TET1: variants seen among roughly 807,000 people sequenced by gnomAD.
The protein encoded by TET1 is tet methylcytosine dioxygenase 1.
TET1 carries 13 observed loss-of-function variants against 148.7 expected under a neutral mutation model. That is an observed-to-expected ratio of 0.09 (90% CI 0.06 to 0.14). TET1 has a LOEUF of 0.14. Ranked by LOEUF, TET1 falls within the 10% of genes least tolerant of loss-of-function variation. The pLI, the probability that TET1 is intolerant of heterozygous loss-of-function variation, is 1.00. For missense variants in TET1, 2,182 were observed against 2,553.8 expected (o/e 0.85, Z 3.14); for synonymous variants, 907 against 937.2 (o/e 0.97, Z 0.59).
chr10:68,608,882 G>A (rs2054165619), intron 3 of TET1, among the ~76,000 whole-genome samples: 1 of 152,008 alleles, frequency 6.6e-6, no homozygotes, highest in South Asian at 2.1e-4. Context: ...TACAAAAGAG[G>A]GGTCTCAAAT....
At chr10:68,683,158 A>G (rs1564509759) in intron 10 of TET1, among the ~76,000 whole-genome samples, 185 bp downstream of exon 10, 1 of 152,364 alleles carries the variant, frequency 6.6e-6, no homozygotes, top group East Asian at 1.9e-4. Context: ...TAAATGCATT[A>G]TCTATGCACT....
chr10:68,616,949 C>T (rs530898694), intron 3 of TET1, among the ~76,000 whole-genome samples: 67 of 147,924 alleles, frequency 4.5e-4, no homozygotes, highest in African/African-American at 1.2e-3. Flanking sequence ...CCTCGTGATC[C>T]ACCCGCCTCG....
intron 2 of TET1, among the ~76,000 whole-genome samples, chr10:68,577,607 A>G (rs989818663): frequency 3.9e-5 from 6 of 151,908 alleles, no homozygotes; most frequent in African/African-American, 1.4e-4. Flanking sequence ...CAGGAGTTTG[A>G]GACCAGCCTG....
chr10:68,677,197 CAG>C (rs1298609263), intron 8 of TET1, among the ~76,000 whole-genome samples: 1 of 152,186 alleles, frequency 6.6e-6, no homozygotes, highest in African/African-American at 2.4e-5. Flanking sequence ...AAGGCTCCAC[CAG>C]AGAGTCCTTC....
At chr10:68,623,206 G>GT (rs1469407627) in intron 3 of TET1, among the ~76,000 whole-genome samples, 7 of 152,110 alleles carry the variant, frequency 4.6e-5, no homozygotes, top group African/African-American at 1.7e-4. Context: ...GTCATTTTCT[G>GT]TTTCTACCAT....
chr10:68,650,638 A>G (rs1393496472), intron 4 of TET1, among the ~76,000 whole-genome samples: 1 of 152,150 alleles, frequency 6.6e-6, no homozygotes, highest in Non-Finnish European at 1.5e-5. Flanking sequence ...TCTCAAAAAA[A>G]TAATAATAAA....
intron 2 of TET1, among the ~76,000 whole-genome samples, chr10:68,599,652 C>G (rs944490173): frequency 6.6e-6 from 1 of 152,158 alleles, no homozygotes; most frequent in Non-Finnish European, 1.5e-5. Flanking sequence ...GTGGGTGGTT[C>G]CGTCTGACCG....
chr10:68,641,339 G>T (rs2054750625), intron 3 of TET1, among the ~76,000 whole-genome samples: 1 of 151,534 alleles, frequency 6.6e-6, no homozygotes, highest in Non-Finnish European at 1.5e-5. Flanking sequence ...GTGTCACTTT[G>T]TTGCTCAGGC....
intron 2 of TET1, among the ~76,000 whole-genome samples, chr10:68,587,637 T>A (rs1417973403): frequency 6.6e-6 from 1 of 152,202 alleles, no homozygotes; most frequent in Non-Finnish European, 1.5e-5. Context: ...CTAATTCACA[T>A]TACTTCATTA....
rs553591899 is a variant in TET1, at chr10:68,597,030, ATTTT to A, written c.1915-3933_1915-3930del. Among the ~76,000 whole-genome samples the A allele has an allele frequency of 2.2e-3, 216 of 98,862 alleles. 1 individual carries two copies. The Middle Eastern group carries it at 0.023, about 11-fold the overall frequency. The allele number at this position is 98,862 out of a possible 152,430, so 64.9% of individuals were successfully genotyped here. Reference sequence around the variant, plus strand: ...ATTTTCATGATCACACAGCTAATGGATTTTTTTTTTTTTTTTTTTTTGAGACCGA... The same window carrying A: ...ATTTTCATGATCACACAGCTAATGGATTTTTTTTTTTTTTTTTGAGACCGA... On this transcript the variant is annotated intron_variant, in intron 2 of 11. Coordinates refer to ENST00000373644, the MANE Select transcript of TET1 (RefSeq NM_030625.3).
At chr10:68,576,205 G>A (rs572764236) in intron 2 of TET1, among the ~76,000 whole-genome samples, 2 of 151,996 alleles carry the variant, frequency 1.3e-5, no homozygotes, top group Admixed American at 6.6e-5. Context: ...ACAAAAATTA[G>A]CCAGGAGTGG....
At chr10:68,668,102 T>G (rs2055219030) in intron 7 of TET1, among the ~76,000 whole-genome samples, 1 of 152,238 alleles carries the variant, frequency 6.6e-6, no homozygotes, top group African/African-American at 2.4e-5. Context: ...AACCACCTGT[T>G]AAATAACCTA....
chr10:68,685,850 T>A (rs2055501145), intron 10 of TET1, among the ~76,000 whole-genome samples: 1 of 151,888 alleles, frequency 6.6e-6, no homozygotes, highest in Non-Finnish European at 1.5e-5. Context: ...AATATAAAAT[T>A]AAAAAAAAAT....
At chr10:68,664,934 C>T (rs2055176382) in intron 6 of TET1, among the ~76,000 whole-genome samples, 4 of 151,700 alleles carry the variant, frequency 2.6e-5, no homozygotes, top group Non-Finnish European at 4.4e-5. Flanking sequence ...GCCACTATGC[C>T]GGGTTTATTT....
intron 3 of TET1, among the ~76,000 whole-genome samples, chr10:68,642,918 T>C (rs1589105484): frequency 1.3e-5 from 2 of 152,244 alleles, no homozygotes; most frequent in African/African-American, 2.4e-5. Flanking sequence ...TTGTACACTT[T>C]GCAACTGTAA....
At chr10:68,673,380 C>A in intron 8 of TET1, 1 of 295,912 alleles carries the variant, frequency 3.4e-6, no homozygotes, top group Non-Finnish European at 6.7e-6. Flanking sequence ...TTCAAAGACT[C>A]AGAAAGTTTA....
At chr10:68,668,155 C>G (rs921616756) in intron 7 of TET1, among the ~76,000 whole-genome samples, 7 of 152,166 alleles carry the variant, frequency 4.6e-5, no homozygotes, top group Non-Finnish European at 1.0e-4. Flanking sequence ...TATTTTCTCT[C>G]TGATGGTGCT....
chr10:68,664,129 G>T (rs1370280248), intron 6 of TET1, among the ~76,000 whole-genome samples: 2 of 151,994 alleles, frequency 1.3e-5, no homozygotes, highest in African/African-American at 4.8e-5. Context: ...CACGGTGCCG[G>T]CCTGGGTAGC....
intron 3 of TET1, among the ~76,000 whole-genome samples, chr10:68,626,089 C>CAAAAAAA (rs768111191): frequency 0.085 from 2,813 of 33,278 alleles, 66 homozygotes; most frequent in East Asian, 0.18. Context: ...GACCCTATCT[C>CAAAAAAA]AAAAAAAAGA....
Sources: gnomAD v4.1 joint callset for allele counts (sites outside exome capture counted in the v4.1 genomes callset) on GRCh38, gnomAD v4.1.1 for gene constraint, MANE v1.5 for transcripts, NCBI Gene and HGNC (gene_info 2026-07-23, HGNC 2026-07-21) for gene names.